Variants in SVOP observed in about 807,000 individuals in gnomAD.
The protein encoded by SVOP is synaptic vesicle 2-related protein.
SVOP carries 17 observed loss-of-function variants against 69.1 expected under a neutral mutation model. The ratio of observed to expected loss-of-function variants is 0.25; its 90% CI spans 0.17 to 0.37. SVOP has a LOEUF of 0.37. Among genes scored for constraint, SVOP ranks in the 10% least tolerant of loss-of-function variants. The pLI, the probability that SVOP is intolerant of heterozygous loss-of-function variation, is 1.00. For missense variants in SVOP, 435 were observed against 597.5 expected, an observed-to-expected ratio of 0.73 and a Z score of 2.84; for synonymous variants, 238 against 238.6, an observed-to-expected ratio of 1.00 and a Z score of 0.02.
intron 11 of SVOP, among the ~76,000 whole-genome samples, chr12:108,931,279 C>A (rs187501097): frequency 1.3e-5 from 2 of 152,300 alleles, no homozygotes; most frequent in Admixed American, 1.3e-4. Flanking sequence ...GGGCAAACCC[C>A]GAACACAAGC....
chr12:108,994,425 C>T (rs2040220202), intron 1 of SVOP, among the ~76,000 whole-genome samples: 1 of 152,084 alleles, frequency 6.6e-6, no homozygotes, highest in Admixed American at 6.6e-5. Context: ...ACCCGGGAGG[C>T]AGAGGTTGCA....
At chr12:108,919,351 G>A (rs971585628) in intron 13 of SVOP, among the ~76,000 whole-genome samples, 6 of 145,596 alleles carry the variant, frequency 4.1e-5, no homozygotes, top group Admixed American at 1.4e-4. Context: ...ACCTATACCT[G>A]CACCCACACT....
At chr12:108,983,903 AT>A (rs2040154772) in intron 1 of SVOP, 142 bp from the exon 2 acceptor site, 3 of 397,234 alleles carry the variant, frequency 7.6e-6, no homozygotes, top group Admixed American at 4.4e-5. Context: ...ATTTCTATTG[AT>A]TTGGACTGGG....
At chr12:108,952,079 C>T (rs146305845) in intron 6 of SVOP, among the ~76,000 whole-genome samples, 3 of 152,272 alleles carry the variant, frequency 2.0e-5, no homozygotes, top group African/African-American at 7.2e-5. Flanking sequence ...ACTGAAGACA[C>T]ATGAGCAAGT....
intron 1 of SVOP, among the ~76,000 whole-genome samples, chr12:109,014,015 T>A (rs1280839591): frequency 4.4e-5 from 4 of 90,726 alleles, no homozygotes; most frequent in Admixed American, 2.3e-4. Context: ...CCAAATTTCC[T>A]TCCTTTTTTT....
At chr12:108,976,616 T>C (rs567391429) in intron 4 of SVOP, among the ~76,000 whole-genome samples, 627 of 31,550 alleles carry the variant, frequency 0.02, 7 homozygotes, top group African/African-American at 0.033. Flanking sequence ...CTCTCTCTCT[T>C]TTTTTTTTTT....
chr12:108,938,860 G>A lies in SVOP; in HGVS notation c.864C>T (p.Pro288=). The A allele has an allele frequency of 1.2e-6, 2 of 1,613,994 alleles. No individual in the cohort carries two copies. Among genetic ancestry groups the A allele is most frequent in the Non-Finnish European group, 8.5e-7 (1 of 1,179,892 alleles). The part of the protein sequence containing the change: ...LKRIATENGA[P]MPLGKLIISR... ...AGATGATGAGTTTCCCCAGCGGCATGGGAGCTCCGTTTTCAGTTGCTATCC... is the reference window on the plus strand; with the variant it reads ...AGATGATGAGTTTCCCCAGCGGCATAGGAGCTCCGTTTTCAGTTGCTATCC... Residue 288 remains proline (P), a synonymous_variant, in exon 9 of 16, where the codon CCC becomes CCT. Transcript: ENST00000610966.
chr12:108,932,600 C>T (rs755878677), intron 11 of SVOP, among the ~76,000 whole-genome samples: 5 of 152,064 alleles, frequency 3.3e-5, no homozygotes, highest in Non-Finnish European at 7.4e-5. Flanking sequence ...ATCTACTGAA[C>T]GAATCCCTTC....
rs1247144278 is a variant in SVOP at position 108,912,023 on chromosome 12, G to A, written c.*512C>T. 9.2e-6 allele frequency: 3 copies of A among 324,896 alleles called. No homozygotes were observed. Among genetic ancestry groups the A allele is most frequent in the East Asian group, 1.7e-4 (1 of 5,950 alleles). The allele number at this position is 324,896 out of a possible 1,614,324, so 20.1% of individuals were successfully genotyped here. A position where few individuals can be genotyped will look rare whatever the true frequency, so the allele number is the denominator to read the frequency against. Reference sequence around the variant, plus strand: ...CAGGCTCTAGGGAGGCAAACCGGGGGGCCCCTGCCAGGAAATAGCTGCTCA... The same window carrying A: ...CAGGCTCTAGGGAGGCAAACCGGGGAGCCCCTGCCAGGAAATAGCTGCTCA... On this transcript the variant is annotated 3_prime_UTR_variant, in exon 16 of 16. Coordinates refer to ENST00000610966, the MANE Select transcript of SVOP (RefSeq NM_018711.5).
intron 1 of SVOP, among the ~76,000 whole-genome samples, chr12:109,008,777 T>C (rs2040324186): frequency 1.3e-5 from 2 of 151,954 alleles, no homozygotes; most frequent in African/African-American, 4.8e-5. Flanking sequence ...ACCTACCAAG[T>C]TAGCCAGAAA....
intron 6 of SVOP, among the ~76,000 whole-genome samples, chr12:108,960,134 G>A (rs770584952): frequency 6.6e-6 from 1 of 152,232 alleles, no homozygotes; most frequent in African/African-American, 2.4e-5. Flanking sequence ...GGGCCACATA[G>A]TGAATAGTTC....
intron 1 of SVOP, among the ~76,000 whole-genome samples, chr12:108,989,201 C>T (rs960317144): frequency 2.0e-5 from 3 of 152,196 alleles, no homozygotes; most frequent in African/African-American, 7.2e-5. Context: ...TCCTGAGTAG[C>T]TGGGACTACA....
intron 1 of SVOP, among the ~76,000 whole-genome samples, chr12:109,018,612 A>G (rs1232929451): frequency 6.6e-6 from 1 of 151,974 alleles, no homozygotes. Context: ...AAACATCTAA[A>G]TCGTGATTTG....
chr12:108,938,893 G>A lies in SVOP; in HGVS notation c.831C>T (p.Thr277=). 6.2e-7 allele frequency: 1 copy of A among 1,614,014 alleles called. No homozygotes were observed. The highest frequency in any genetic ancestry group is 8.5e-7 in the Non-Finnish European group (1 of 1,179,892). Residue 277 remains threonine, a synonymous_variant, in exon 9 of 16, where the codon ACC becomes ACT. Transcript: ENST00000610966. Reference sequence around the variant, plus strand: ...CGTTTTCAGTTGCTATCCTCTTTAAGGTGGCGATTGCCTTTTCCTGGTTCC... The same window carrying A: ...CGTTTTCAGTTGCTATCCTCTTTAAAGTGGCGATTGCCTTTTCCTGGTTCC... The part of the protein sequence containing the change: ...LSGNQEKAIA[T]LKRIATENGA...
At chr12:108,982,252 TCAC>T (rs2040140359) in intron 2 of SVOP, among the ~76,000 whole-genome samples, 1 of 148,206 alleles carries the variant, frequency 6.7e-6, no homozygotes. Context: ...ACCATCATTA[TCAC>T]CACAATCATC....
At chr12:108,915,956 A>T in intron 14 of SVOP, 84 bp from the exon 15 acceptor site, 1 of 1,327,890 alleles carries the variant, frequency 7.5e-7, no homozygotes, top group East Asian at 2.7e-5. Context: ...GACCAACCTC[A>T]GGGGCAGGCC....
At chr12:108,946,687 G>GTTT (rs36129585) in intron 6 of SVOP, among the ~76,000 whole-genome samples, 24 of 126,832 alleles carry the variant, frequency 1.9e-4, no homozygotes, top group South Asian at 5.4e-4. Flanking sequence ...GTTGCAACCT[G>GTTT]TTTTTATTAT....
intron 1 of SVOP, among the ~76,000 whole-genome samples, chr12:109,012,675 C>T (rs2040348732): frequency 6.6e-6 from 1 of 152,192 alleles, no homozygotes; most frequent in Admixed American, 6.6e-5. Context: ...AGCCTGTAAT[C>T]CCAGCACTTT....
At chr12:108,931,558 G>T (rs2039818806) in intron 11 of SVOP, among the ~76,000 whole-genome samples, 1 of 152,208 alleles carries the variant, frequency 6.6e-6, no homozygotes, top group Non-Finnish European at 1.5e-5. Flanking sequence ...TCCCGGCTCT[G>T]CATGGTGGCT....
Sources: allele counts gnomAD v4.1 joint callset (sites outside exome capture counted in the v4.1 genomes callset), GRCh38; gene constraint gnomAD v4.1.1; transcripts MANE v1.5; gene names NCBI Gene and HGNC (gene_info 2026-07-23, HGNC 2026-07-21).